The following DNAH11 variants were observed in gnomAD, a reference collection of about 807,000 sequenced individuals.
DNAH11 encodes dynein axonemal heavy chain 11, also known as axonemal beta dynein heavy chain 11.
A neutral mutation model predicts 526.0 loss-of-function variants in DNAH11; 442 were observed. That is an observed-to-expected ratio of 0.84 (90% CI 0.78 to 0.91). The LOEUF is 0.91. Among genes scored for constraint, DNAH11 ranks in the 40% least tolerant of loss-of-function variants. The probability of loss-of-function intolerance (pLI) is 0.00; values close to 1 mark genes in which losing one functional copy is unlikely to be tolerated. For missense variants in DNAH11, 6,989 were observed against 5,448.7 expected, an observed-to-expected ratio of 1.28 and a Z score of -8.90; for synonymous variants, 2,461 against 1,935.9, an observed-to-expected ratio of 1.27 and a Z score of -7.12.
chr7:21,661,334 A>G (rs1782234228), intron 30 of DNAH11, among the ~76,000 whole-genome samples: 2 of 151,926 alleles, frequency 1.3e-5, no homozygotes, highest in Admixed American at 1.3e-4. Flanking sequence ...TATAGAATAT[A>G]TTTTAGGAGT....
chr7:21,648,054 A>C (rs188308863), intron 28 of DNAH11, among the ~76,000 whole-genome samples: 1 of 152,192 alleles, frequency 6.6e-6, no homozygotes, highest in Admixed American at 6.5e-5. Flanking sequence ...TACCAAAAAC[A>C]TAGAAACATT....
Position 21,750,358 on chromosome 7 carries a change from G to A in DNAH11, c.8934G>A (p.Gln2978=). 2.5e-6 allele frequency: 4 copies of A among 1,601,630 alleles called. No homozygotes were observed. Among genetic ancestry groups the A allele is most frequent in the Non-Finnish European group, 3.4e-6 (4 of 1,173,858 alleles). ...TCTTTATGGCCAGGGTGCGACTACA[G>A]CTCAAAGTAAGAAATACTTGCTTAA... ...WKFFMARVRL[Q]LKIILCFSPV... The change falls in exon 54 of 82, where the codon CAG becomes CAA. Residue 2978 remains glutamine (Q), a synonymous_variant. Transcript: ENST00000409508.
chr7:21,849,447 A>G (rs1359789052), intron 66 of DNAH11, among the ~76,000 whole-genome samples: 1 of 152,124 alleles, frequency 6.6e-6, no homozygotes, highest in African/African-American at 2.4e-5. Context: ...TCTGACCTAT[A>G]TCATTTTTCT....
rs111924680 is a variant in DNAH11, at chr7:21,592,454, G to C, written c.2667+877G>C. On this transcript the variant is annotated intron_variant, in intron 14 of 81. Coordinates refer to ENST00000409508, the MANE Select transcript of DNAH11 (RefSeq NM_001277115.2). ...AGTCAGCAAACTGAGATCAGAATTT[G>C]CAAGGGGAGTGGTAGTAGAGGGTGA... is the stretch of plus-strand genomic sequence containing the variant. 5.2e-3 allele frequency among the ~76,000 whole-genome samples: 798 copies of C among 152,304 alleles called. 15 individuals are homozygous for C. Among genetic ancestry groups the C allele is most frequent in the African/African-American group, 0.018 (756 of 41,566 alleles).
At chr7:21,690,683 A>T in intron 34 of DNAH11, 82 bp from the exon 35 acceptor site, 1 of 1,005,456 alleles carries the variant, frequency 9.9e-7, no homozygotes, top group African/African-American at 1.7e-5. Flanking sequence ...AATAATTTGC[A>T]TTTTGCAGTG....
At chr7:21,633,866 A>G (rs1385504202) in intron 25 of DNAH11, among the ~76,000 whole-genome samples, 1 of 152,224 alleles carries the variant, frequency 6.6e-6, no homozygotes, top group East Asian at 1.9e-4. Context: ...TGAGGACAAT[A>G]TTAGTAGCAC....
intron 61 of DNAH11, among the ~76,000 whole-genome samples, chr7:21,794,796 A>T (rs1325251337): frequency 1.3e-5 from 2 of 152,102 alleles, no homozygotes; most frequent in African/African-American, 4.8e-5. Flanking sequence ...GGTTACGGTA[A>T]AAAGCAGTTT....
chr7:21,725,641 C>T (rs953234199), intron 44 of DNAH11, among the ~76,000 whole-genome samples, 170 bp from the exon 45 acceptor site: 6 of 152,160 alleles, frequency 3.9e-5, no homozygotes, highest in African/African-American at 9.7e-5. Flanking sequence ...CTGGCGTTCA[C>T]CTAACTTTAC....
chr7:21,578,713 T>G (rs564761185), intron 8 of DNAH11, among the ~76,000 whole-genome samples: 14 of 152,182 alleles, frequency 9.2e-5, no homozygotes, highest in Non-Finnish European at 1.8e-4. Flanking sequence ...TCCAGGTGTT[T>G]CCATACATTC....
At chr7:21,648,627 A>G (rs1787476336) in intron 28 of DNAH11, among the ~76,000 whole-genome samples, 1 of 152,218 alleles carries the variant, frequency 6.6e-6, no homozygotes, top group South Asian at 2.1e-4. Context: ...GCAACCCAAA[A>G]CCAACACACA....
chr7:21,619,671 C>G (rs1384482089), intron 24 of DNAH11, among the ~76,000 whole-genome samples: 1 of 152,064 alleles, frequency 6.6e-6, no homozygotes, highest in African/African-American at 2.4e-5. Flanking sequence ...TAGTATCTAC[C>G]AAACATTTAA....
intron 14 of DNAH11, among the ~76,000 whole-genome samples, chr7:21,599,425 C>T (rs1388124283): frequency 6.6e-6 from 1 of 152,088 alleles, no homozygotes; most frequent in Non-Finnish European, 1.5e-5. Flanking sequence ...TACGGAAGGC[C>T]CTGGAAGGCA....
At chr7:21,879,536 A>G (rs1203082232) in intron 74 of DNAH11, among the ~76,000 whole-genome samples, 1 of 152,196 alleles carries the variant, frequency 6.6e-6, no homozygotes, top group East Asian at 1.9e-4. Context: ...CATCCCAACA[A>G]TGAATTTTAC....
chr7:21,821,588 G>A (rs568135985), intron 65 of DNAH11, among the ~76,000 whole-genome samples: 27 of 152,104 alleles, frequency 1.8e-4, no homozygotes, highest in Middle Eastern at 3.4e-3. Context: ...TAATTGCTAC[G>A]TCATAGTTGT....
At chr7:21,743,012 G>A (rs1399611301) in intron 49 of DNAH11, among the ~76,000 whole-genome samples, 1 of 152,278 alleles carries the variant, frequency 6.6e-6, no homozygotes, top group East Asian at 1.9e-4. Flanking sequence ...AGAGCAAATC[G>A]GGCAAATGCC....
Position 21,867,995 on chromosome 7 carries a change from C to T in DNAH11, c.11827C>T (p.Leu3943=). ...TCCGGGGGTAGATGCCCTTAAAGACCTGGAGATTCTTGGTGAGTGGCTGGG... is the reference window on the plus strand; with the variant it reads ...TCCGGGGGTAGATGCCCTTAAAGACTTGGAGATTCTTGGTGAGTGGCTGGG... The part of the protein sequence containing the change: ...LSPGVDALKD[L]EILGKRLGFT... The change falls in exon 72 of 82, where the codon CTG becomes TTG. Residue 3943 remains leucine (L), a synonymous_variant. Coordinates refer to ENST00000409508, the MANE Select transcript of DNAH11 (RefSeq NM_001277115.2). 6.5e-7 allele frequency: 1 copy of T among 1,543,580 alleles called. No individual in the cohort carries two copies. The highest frequency in any genetic ancestry group is 8.8e-7 in the Non-Finnish European group (1 of 1,141,950).
At chr7:21,864,249 CACTT>C (rs1353272053) in intron 69 of DNAH11, among the ~76,000 whole-genome samples, 2 of 152,176 alleles carry the variant, frequency 1.3e-5, no homozygotes, top group East Asian at 1.9e-4. Flanking sequence ...AATAATAAAA[CACTT>C]AATACGAATG....
At chr7:21,761,086 G>A (rs1049383102) in intron 54 of DNAH11, among the ~76,000 whole-genome samples, 5 of 152,156 alleles carry the variant, frequency 3.3e-5, no homozygotes, top group African/African-American at 4.8e-5. Flanking sequence ...CAGGTTATCT[G>A]TAAAGTCGTG....
rs567097202 is a variant in DNAH11 at position 21,867,866 on chromosome 7, G to A, written c.11698G>A (p.Val3900Ile). The change falls in exon 72 of 82, where the codon GTA (valine) becomes ATA (isoleucine). Residue 3900 changes from valine (V) to isoleucine (I), a missense_variant. Transcript: ENST00000409508. Reference protein sequence around the residue: ...DRMTYALRNFVEEKLGAKYVE... With the variant: ...DRMTYALRNFIEEKLGAKYVE... ...TATTCTTGTTTTTTATAGAAATTTT[G>A]TAGAGGAAAAACTGGGTGCGAAGTA... 3 of 1,570,382 alleles carry A rather than the reference G, an allele frequency of 1.9e-6. No individual in the cohort carries two copies. The highest frequency in any genetic ancestry group is 2.7e-5 in the African/African-American group (2 of 74,072).
Sources: gnomAD v4.1 joint callset for allele counts (sites outside exome capture counted in the v4.1 genomes callset) on GRCh38, gnomAD v4.1.1 for gene constraint, MANE v1.5 for transcripts, NCBI Gene and HGNC (gene_info 2026-07-23, HGNC 2026-07-21) for gene names.